Variants in UBQLN1 observed in about 807,000 individuals in gnomAD.
The protein encoded by UBQLN1 is ubiquilin-1.
Under a neutral mutation model 65.4 loss-of-function variants are expected in UBQLN1, and 13 were observed. The observed-to-expected ratio is 0.20, with a 90% CI of 0.13 to 0.32. The LOEUF is 0.32. Ranked by LOEUF, UBQLN1 falls within the 10% of genes least tolerant of loss-of-function variation. The pLI is 1.00. For missense variants in UBQLN1, 561 were observed against 724.0 expected, an observed-to-expected ratio of 0.77 and a Z score of 2.58; for synonymous variants, 267 against 247.8, an observed-to-expected ratio of 1.08 and a Z score of -0.73.
Position 83,707,833 on chromosome 9 carries a change from G to C in UBQLN1, c.-154C>G, listed in dbSNP as rs1277598796. ...AACGGGCGCAGGGCCACCGTAGCGG[G>C]TGTGGGGCCCCGGAGCTCGGTGCAG... On this transcript the variant is annotated 5_prime_UTR_variant, in exon 1 of 11. Transcript: ENST00000376395. 4 of 1,226,286 alleles carry C rather than the reference G, an allele frequency of 3.3e-6. No individual in the cohort carries two copies. Among genetic ancestry groups the C allele is most frequent in the Admixed American group, 3.5e-5 (1 of 28,766 alleles). 76.0% of individuals were successfully genotyped at this position (1,226,286 alleles called of 1,614,324 possible). A position where few individuals can be genotyped will look rare whatever the true frequency, so the allele number is the denominator to read the frequency against.
chr9:83,662,383 AT>A, intron 10 of UBQLN1, among the ~76,000 whole-genome samples: 1 of 152,064 alleles, frequency 6.6e-6, no homozygotes. Context: ...TGGTATCCTC[AT>A]GTATAAAATT....
chr9:83,668,772 TTCTGAGCATGACTATTA>T, intron 7 of UBQLN1: 4 of 354,538 alleles, frequency 1.1e-5, no homozygotes, highest in Non-Finnish European at 1.6e-5. Flanking sequence ...ACAACTGCCA[TTCTGAGCATGACTATTA>T]TAATCTGAGT....
intron 1 of UBQLN1, among the ~76,000 whole-genome samples, chr9:83,696,440 T>C (rs2131182281): frequency 6.6e-6 from 1 of 151,972 alleles, no homozygotes; most frequent in East Asian, 1.9e-4. Flanking sequence ...CAAAATCCTG[T>C]CTCTATAAAA....
At chr9:83,662,317 T>G (rs961247459) in intron 10 of UBQLN1, among the ~76,000 whole-genome samples, 23 of 146,172 alleles carry the variant, frequency 1.6e-4, no homozygotes, top group African/African-American at 5.6e-4. Flanking sequence ...CACACACAGA[T>G]AGTTCAGAAT....
At position 83,666,353 on chromosome 9, in the gene UBQLN1, T is replaced by C. The variant is rs199791521; in HGVS notation, c.1329A>G (p.Gln443=). 1.9e-6 allele frequency: 3 copies of C among 1,613,798 alleles called. No homozygotes were observed. The highest frequency in any genetic ancestry group is 2.5e-6 in the Non-Finnish European group (3 of 1,179,750). The change falls in exon 8 of 11, where the codon CAA becomes CAG. Residue 443 remains glutamine (Q), a synonymous_variant. Transcript: ENST00000376395. ...GCTAACATCTTGTCTTACTCACTTG[T>C]TGGAGGAAAGTTGGGAGCTGTTGTC... The part of the protein sequence containing the change: ...QMRQQLPTFL[Q]QMQNPDTLSA...
chr9:83,669,331 A>C lies in UBQLN1; in HGVS notation c.1106-4T>G, dbSNP rs749932659. The C allele has an allele frequency of 1.9e-6, 3 of 1,577,016 alleles. No homozygotes were observed. The highest frequency in any genetic ancestry group is 1.7e-6 in the Non-Finnish European group (2 of 1,170,184). On this transcript the variant is annotated splice_region_variant and splice_polypyrimidine_tract_variant and intron_variant, in intron 6 of 10. Transcript: ENST00000376395. ...CCTGGTGTGTTGAACATACTAGCTG[A>C]AAGTTTGTTTTTAAAAAAGACATAT... is the stretch of plus-strand genomic sequence containing the variant.
rs149551631 is a variant in UBQLN1, at chr9:83,665,929, G to A, written c.1332+421C>T. On this transcript the variant is annotated intron_variant, in intron 8 of 10. Coordinates refer to ENST00000376395, the MANE Select transcript of UBQLN1 (RefSeq NM_013438.5). ...TTTGAGGAAATGAGATCTACCCCTTGGGGAAAAAAAGCCTTCTACTAATTT... is the reference window on the plus strand; with the variant it reads ...TTTGAGGAAATGAGATCTACCCCTTAGGGAAAAAAAGCCTTCTACTAATTT... Among the ~76,000 whole-genome samples, 354 of 152,334 alleles carry A rather than the reference G, an allele frequency of 2.3e-3. 2 individuals carry two copies. Among genetic ancestry groups the A allele is most frequent in the Non-Finnish European group, 2.5e-3 (168 of 68,030 alleles).
In UBQLN1 at chr9:83,683,025, C is replaced by T. The variant is rs56213838; in HGVS notation, c.374G>A (p.Ser125Asn). The T allele has an allele frequency of 1.9e-6, 3 of 1,612,166 alleles. No homozygotes were observed. The highest frequency in any genetic ancestry group is 1.7e-6 in the Non-Finnish European group (2 of 1,179,718). ...HSAQQTNTAG[S>N]NVTTSSTPNS... is the part of the protein sequence containing the mutation. ...AGGAGTTGATGATGTAGTAACATTG[C>T]TTCCAGCTGTATTTGTTTGCTGAGC... Residue 125 changes from serine (S) to asparagine (N), a missense_variant, in exon 3 of 11, where the codon AGC becomes AAC. Physicochemically the swap from Ser to Asn is conservative, Grantham distance 46. This residue lies in a region of UBQLN1 where 87 missense variants were observed against 88.8 expected (regional missense o/e 0.98). Transcript: ENST00000376395.
At chr9:83,697,551 C>CAAAAAAAAAAA (rs750268209) in intron 1 of UBQLN1, among the ~76,000 whole-genome samples, 4 of 34,476 alleles carry the variant, frequency 1.2e-4, no homozygotes, top group African/African-American at 4.4e-4. Flanking sequence ...GACACTGTCT[C>CAAAAAAAAAAA]AAAAAAAAAA....
intron 4 of UBQLN1, 99 bp from the exon 5 acceptor site, chr9:83,678,698 G>C: frequency 8.0e-7 from 1 of 1,246,772 alleles, no homozygotes; most frequent in Non-Finnish European, 1.1e-6. Flanking sequence ...AAAGTTTATG[G>C]GAGGCCACTG....
chr9:83,680,978 T>C (rs530863617), intron 3 of UBQLN1, among the ~76,000 whole-genome samples: 3 of 152,156 alleles, frequency 2.0e-5, no homozygotes, highest in African/African-American at 4.8e-5. Flanking sequence ...TATTGGACAA[T>C]TGGCTGGTGT....
rs1309046327 is a variant in UBQLN1, at chr9:83,690,365, C to T, written c.181-4210G>A. On this transcript the variant is annotated intron_variant, in intron 1 of 10. Transcript: ENST00000376395. ...ATGATTTCATTTATGTGAGTTTTTT[C>T]GTTTTTTTAAGGGTTGGGGACAAAA... Among the ~76,000 whole-genome samples the T allele has an allele frequency of 4.6e-5, 7 of 152,064 alleles. No homozygotes were observed. In the South Asian group the frequency reaches 1.0e-3, roughly 23 times the overall value.
At chr9:83,675,721 A>C (rs1433918494) in intron 6 of UBQLN1, among the ~76,000 whole-genome samples, 1 of 152,224 alleles carries the variant, frequency 6.6e-6, no homozygotes, top group Non-Finnish European at 1.5e-5. Context: ...ACACTGATAA[A>C]TATGCTATTA....
chr9:83,685,575 C>T (rs917336924), intron 2 of UBQLN1, among the ~76,000 whole-genome samples: 1 of 149,204 alleles, frequency 6.7e-6, no homozygotes, highest in Non-Finnish European at 1.5e-5. Flanking sequence ...GGGAGCATCA[C>T]TTGAGCCCAG....
At chr9:83,683,949 A>C (rs561921597) in intron 2 of UBQLN1, among the ~76,000 whole-genome samples, 2 of 152,132 alleles carry the variant, frequency 1.3e-5, no homozygotes, top group South Asian at 2.1e-4. Flanking sequence ...TGAACCCAGG[A>C]GGCGGAGGTT....
intron 4 of UBQLN1, 50 bp from the exon 5 acceptor site, chr9:83,678,649 C>A: frequency 1.3e-6 from 2 of 1,525,550 alleles, no homozygotes; most frequent in South Asian, 1.2e-5. Context: ...TTGAAATACA[C>A]ATGAATTACA....
chr9:83,678,681 A>ATT, intron 4 of UBQLN1, 82 bp from the exon 5 acceptor site: 1 of 1,413,772 alleles, frequency 7.1e-7, no homozygotes, highest in Non-Finnish European at 9.6e-7. Flanking sequence ...ATTAACTGCC[A>ATT]TTAAACAAAG....
At chr9:83,685,013 T>A (rs1451611932) in intron 2 of UBQLN1, among the ~76,000 whole-genome samples, 2 of 152,166 alleles carry the variant, frequency 1.3e-5, no homozygotes, top group Admixed American at 6.5e-5. Flanking sequence ...GTAGTCTACA[T>A]GACTTCAACT....
rs1317532154 is a variant in UBQLN1 at position 83,688,575 on chromosome 9, T to C, written c.181-2420A>G. Reference sequence around the variant, plus strand: ...AAGGTAAGATACTAGATTAAACACATGCATCGGGCGGGGTGCAGTGGCTCA... The same window carrying C: ...AAGGTAAGATACTAGATTAAACACACGCATCGGGCGGGGTGCAGTGGCTCA... On this transcript the variant is annotated intron_variant, in intron 1 of 10. Coordinates refer to ENST00000376395, the MANE Select transcript of UBQLN1 (RefSeq NM_013438.5). 3.9e-5 allele frequency among the ~76,000 whole-genome samples: 6 copies of C among 152,088 alleles called. No individual in the cohort carries two copies. The East Asian group carries it at 1.2e-3, about 29-fold the overall frequency.
Sources: allele counts gnomAD v4.1 joint callset (sites outside exome capture counted in the v4.1 genomes callset), GRCh38; gene constraint gnomAD v4.1.1; regional missense constraint gnomAD v4.1.1; transcripts MANE v1.5; gene names NCBI Gene and HGNC (gene_info 2026-07-23, HGNC 2026-07-21).